PPHLN1: variants seen among roughly 807,000 people sequenced by gnomAD.
PPHLN1 encodes the protein periphilin-1.
Under a neutral mutation model 51.3 loss-of-function variants are expected in PPHLN1, and 29 were observed. The observed-to-expected ratio is 0.57, with a 90% confidence interval of 0.42 to 0.77. The LOEUF (loss-of-function observed/expected upper bound fraction) is 0.77, where lower values mean the gene tolerates loss of function less well. PPHLN1 is among the 30% of genes least tolerant of loss of function. The pLI is 0.00. For synonymous variants in PPHLN1, 147 were observed against 147.8 expected (o/e 0.99, Z 0.04); for missense variants, 436 against 438.4 (o/e 0.99, Z 0.05).
intron 2 of PPHLN1, among the ~76,000 whole-genome samples, chr12:42,350,505 C>T (rs191470389): frequency 2.5e-4 from 38 of 151,580 alleles, no homozygotes; most frequent in African/African-American, 9.2e-4. Context: ...AGAGGGGCTC[C>T]TCACATCCCA....
intron 2 of PPHLN1, among the ~76,000 whole-genome samples, 157 bp downstream of exon 2, chr12:42,336,131 C>A (rs2070622846): frequency 6.6e-6 from 1 of 151,940 alleles, no homozygotes; most frequent in Non-Finnish European, 1.5e-5. Flanking sequence ...GTTAAAAGTT[C>A]AAAAATAAAA....
intron 9 of PPHLN1, among the ~76,000 whole-genome samples, chr12:42,422,119 A>T (rs2081060087): frequency 6.6e-6 from 1 of 152,222 alleles, no homozygotes. Flanking sequence ...GCATGTAATC[A>T]TCCCTTTTAA....
At chr12:42,397,387 T>C (rs1418632854) in intron 8 of PPHLN1, among the ~76,000 whole-genome samples, 2 of 152,174 alleles carry the variant, frequency 1.3e-5, no homozygotes, top group Admixed American at 6.5e-5. Context: ...TTCTGTACAG[T>C]ACCTCGGACA....
intron 9 of PPHLN1, among the ~76,000 whole-genome samples, chr12:42,412,151 G>T (rs2079917971): frequency 6.6e-6 from 1 of 152,100 alleles, no homozygotes; most frequent in South Asian, 2.1e-4. Context: ...GTTGCAGTGA[G>T]CCAAGATCAC....
At chr12:42,387,298 A>AG (rs1196855656) in intron 6 of PPHLN1, 158 bp from the exon 7 acceptor site, 1 of 703,544 alleles carries the variant, frequency 1.4e-6, no homozygotes, top group African/African-American at 1.8e-5. Context: ...AGCCTCTGAG[A>AG]GGTAGTTTTA....
chr12:42,425,038 T>TTATTTTATGTATGTATG (rs1555219787), intron 9 of PPHLN1, among the ~76,000 whole-genome samples: 1 of 136,866 alleles, frequency 7.3e-6, no homozygotes, highest in Non-Finnish European at 1.6e-5. Context: ...TTATTTTATT[T>TTATTTTATGTATGTATG]TATGTATGTA....
In PPHLN1 at chr12:42,441,534, A is replaced by G; in HGVS notation, c.*25A>G. 1 of 1,528,616 alleles carries G rather than the reference A, an allele frequency of 6.5e-7. No homozygotes were observed. The highest frequency in any genetic ancestry group is 1.3e-5 in the South Asian group (1 of 78,100). 94.7% of individuals were successfully genotyped at this position (1,528,616 alleles called of 1,614,324 possible). ...GATTTTTCTGCTCAGGCTAAAAAAA[A>G]AAAAAAACAGTTTCTAAAAATTTTT... On this transcript the variant is annotated 3_prime_UTR_variant, in exon 10 of 10. Coordinates refer to ENST00000358314, the MANE Select transcript of PPHLN1 (RefSeq NM_201439.2).
chr12:42,447,747 A>G (rs990085554), downstream of PPHLN1: 8 of 152,238 alleles, frequency 5.3e-5, no homozygotes, highest in Admixed American at 2.0e-4. Flanking sequence ...GTACATAAAA[A>G]TTATATTAAA....
At position 42,346,797 on chromosome 12, in the gene PPHLN1, G is replaced by C. The variant is rs188265318; in HGVS notation, c.73-5088G>C. ...TGACCATAGCCATCCTTAAGGGTGT[G>C]AGGGGATATCTCATAGTGGTTTTAA... On this transcript the variant is annotated intron_variant, in intron 2 of 9. Transcript: ENST00000358314. 2.4e-3 allele frequency among the ~76,000 whole-genome samples: 370 copies of C among 152,294 alleles called. 2 individuals carry two copies. The highest frequency in any genetic ancestry group is 8.5e-3 in the African/African-American group (352 of 41,564).
chr12:42,404,058 C>T (rs183437721), intron 9 of PPHLN1, among the ~76,000 whole-genome samples: 25 of 148,126 alleles, frequency 1.7e-4, no homozygotes, highest in East Asian at 4.0e-4. Context: ...TTTTTTGAAA[C>T]GAGGTCTCAC....
chr12:42,442,793 C>G, downstream of PPHLN1: 1 of 1,610,264 alleles, frequency 6.2e-7, no homozygotes, highest in Non-Finnish European at 8.5e-7. Context: ...AATTCTCAAG[C>G]TAGGGTTTCA....
chr12:42,392,588 C>CA (rs2077823834), intron 7 of PPHLN1, among the ~76,000 whole-genome samples: 1 of 152,116 alleles, frequency 6.6e-6, no homozygotes, highest in African/African-American at 2.4e-5. Context: ...AGAATGGAAT[C>CA]AGAGAATTAC....
At chr12:42,396,802 A>C (rs902712465) in intron 8 of PPHLN1, among the ~76,000 whole-genome samples, 1 of 151,144 alleles carries the variant, frequency 6.6e-6, no homozygotes, top group African/African-American at 2.4e-5. Flanking sequence ...AAAAAAAAGA[A>C]ATGGGGACAG....
At chr12:42,353,176 A>G (rs567938651) in intron 3 of PPHLN1, among the ~76,000 whole-genome samples, 1 of 152,218 alleles carries the variant, frequency 6.6e-6, no homozygotes, top group Non-Finnish European at 1.5e-5. Context: ...GTATTTAATG[A>G]TGCAGTAATC....
At chr12:42,436,260 C>A (rs1447312256) in intron 9 of PPHLN1, among the ~76,000 whole-genome samples, 3 of 149,198 alleles carry the variant, frequency 2.0e-5, no homozygotes, top group Non-Finnish European at 3.0e-5. Context: ...CTGCACTTGG[C>A]TCTTACATTG....
chr12:42,327,483 TTC>T (rs1385410031), intron 1 of PPHLN1, among the ~76,000 whole-genome samples: 1 of 152,214 alleles, frequency 6.6e-6, no homozygotes, highest in Non-Finnish European at 1.5e-5. Context: ...AAAGGCTCTT[TTC>T]TCTCTCTGGG....
chr12:42,403,440 C>G (rs2079012676), intron 9 of PPHLN1, among the ~76,000 whole-genome samples: 1 of 152,146 alleles, frequency 6.6e-6, no homozygotes, highest in African/African-American at 2.4e-5. Flanking sequence ...TCTGGTCATG[C>G]TGTTACTGCA....
intron 9 of PPHLN1, among the ~76,000 whole-genome samples, chr12:42,441,078 T>C (rs1309061877): frequency 6.6e-6 from 1 of 152,242 alleles, no homozygotes; most frequent in Non-Finnish European, 1.5e-5. Flanking sequence ...AACTTCTATA[T>C]TCAGTAATGT....
downstream of PPHLN1, chr12:42,442,633 T>C (rs2083058096): frequency 6.2e-7 from 1 of 1,613,838 alleles, no homozygotes; most frequent in South Asian, 1.1e-5. Flanking sequence ...ATCCGGTCGC[T>C]CGGCCAGAGT....
Sources: gnomAD v4.1 joint callset for allele counts (sites outside exome capture counted in the v4.1 genomes callset) on GRCh38, gnomAD v4.1.1 for gene constraint, MANE v1.5 for transcripts, NCBI Gene and HGNC (gene_info 2026-07-23, HGNC 2026-07-21) for gene names.